Variants in OSBPL9 observed in about 807,000 individuals in gnomAD.
The protein encoded by OSBPL9 is oxysterol binding protein like 9, also known as oxysterol-binding protein-related protein 9.
In OSBPL9, 40 loss-of-function variants were observed where a neutral mutation model predicts 106.6. The observed-to-expected ratio is 0.38, with a 90% CI of 0.29 to 0.49. The LOEUF is 0.49. Ranked by LOEUF, OSBPL9 falls within the 20% of genes least tolerant of loss-of-function variation. The pLI, the probability that OSBPL9 is intolerant of heterozygous loss-of-function variation, is 0.97. For synonymous variants in OSBPL9, 269 were observed against 295.4 expected (o/e 0.91, Z 0.92); for missense variants, 609 against 887.2 (o/e 0.69, Z 3.98).
chr1:51,713,543 T>A (rs1027551641), intron 3 of OSBPL9, among the ~76,000 whole-genome samples: 2 of 152,178 alleles, frequency 1.3e-5, no homozygotes, highest in African/African-American at 4.8e-5. Context: ...CGCCACACAC[T>A]GACAAGCTTT....
At chr1:51,525,414 A>G in the OSBPL9 span, among the ~76,000 whole-genome samples, 1 of 152,212 alleles carries the variant, frequency 6.6e-6, no homozygotes, top group Admixed American at 6.5e-5. Context: ...ACACAAAATA[A>G]CAAATAGACA....
intron 4 of OSBPL9, among the ~76,000 whole-genome samples, chr1:51,740,808 G>A (rs150598228): frequency 1.9e-3 from 290 of 151,932 alleles, no homozygotes; most frequent in Middle Eastern, 0.014. Context: ...CTTAATTTCC[G>A]GATTCTGGAC....
the OSBPL9 span, among the ~76,000 whole-genome samples, chr1:51,564,465 G>T: frequency 1.3e-5 from 2 of 151,992 alleles, no homozygotes; most frequent in Non-Finnish European, 2.9e-5. Context: ...GTCCTTCCTT[G>T]TACCCCAGGA....
the OSBPL9 span, among the ~76,000 whole-genome samples, chr1:51,564,070 A>AAAAAAAAAAAAG: frequency 6.7e-6 from 1 of 148,342 alleles, no homozygotes; most frequent in African/African-American, 2.5e-5. Flanking sequence ...AAAAAAAAAA[A>AAAAAAAAAAAAG]GAAAGCAAGA....
intron 1 of OSBPL9, among the ~76,000 whole-genome samples, chr1:51,636,385 C>T (rs1407554441): frequency 6.6e-6 from 1 of 150,410 alleles, no homozygotes; most frequent in Non-Finnish European, 1.5e-5. Context: ...ATTACCCAGG[C>T]TGGAGTGCAA....
chr1:51,785,656 A>G (rs1190259052), intron 20 of OSBPL9, 152 bp from the exon 21 acceptor site: 1 of 606,742 alleles, frequency 1.6e-6, no homozygotes, highest in East Asian at 3.0e-5. Flanking sequence ...TCTTATAGTT[A>G]GCCCTGGGGA....
chr1:51,520,840 A>G, the OSBPL9 span, among the ~76,000 whole-genome samples: 2 of 152,264 alleles, frequency 1.3e-5, no homozygotes, highest in Non-Finnish European at 2.9e-5. Context: ...AGCAAGCCAT[A>G]TAGGTCTGGT....
Position 51,713,922 on chromosome 1 carries a change from AGTTTT to A in OSBPL9, c.242-80_242-76del. 3 of 1,111,934 alleles carry A rather than the reference AGTTTT, an allele frequency of 2.7e-6. No individual in the cohort carries two copies. The South Asian group carries it at 4.8e-5, about 18-fold the overall frequency. The allele number at this position is 1,111,934 out of a possible 1,614,324, so 68.9% of individuals were successfully genotyped here. On this transcript the variant is annotated intron_variant, in intron 3 of 23. Transcript: ENST00000428468. ...AAAAACCTTTTCTGTTAGCCATCAT[AGTTTT>A]AAAATGATATTTTCAAATATGGAGA... is the stretch of plus-strand genomic sequence containing the variant.
chr1:51,700,641 G>A (rs1375897069), intron 3 of OSBPL9, among the ~76,000 whole-genome samples: 1 of 152,142 alleles, frequency 6.6e-6, no homozygotes, highest in African/African-American at 2.4e-5. Context: ...CCTTGTCTCA[G>A]TGGATTGTAT....
At chr1:51,573,508 CAAAAAAAAAAAAA>C (rs961323006), upstream of OSBPL9, among the ~76,000 whole-genome samples, 3 of 25,060 alleles carry the variant, frequency 1.2e-4, no homozygotes, top group East Asian at 1.2e-3. Context: ...AACTCCATCT[CAAAAAAAAAAAAA>C]AAAAAAAAAA....
At chr1:51,661,524 G>A (rs1647151201) in intron 2 of OSBPL9, among the ~76,000 whole-genome samples, 1 of 152,180 alleles carries the variant, frequency 6.6e-6, no homozygotes, top group South Asian at 2.1e-4. Flanking sequence ...TGGAGCAACA[G>A]GCACCTTGGT....
At chr1:51,685,092 CT>C (rs1305993170) in intron 3 of OSBPL9, among the ~76,000 whole-genome samples, 1 of 152,080 alleles carries the variant, frequency 6.6e-6, no homozygotes, top group East Asian at 1.9e-4. Flanking sequence ...AATTTATTCC[CT>C]TCTTTTCATA....
chr1:51,769,997 G>A (rs752214494), intron 12 of OSBPL9, among the ~76,000 whole-genome samples: 1 of 152,068 alleles, frequency 6.6e-6, no homozygotes, highest in South Asian at 2.1e-4. Flanking sequence ...GAGACAGAGG[G>A]TCTCACTCTA....
the OSBPL9 span, chr1:51,565,844 G>C: frequency 1.3e-5 from 2 of 152,190 alleles, no homozygotes; most frequent in Admixed American, 6.5e-5. Context: ...TTGCCTCCCT[G>C]GCTCTCAGCA....
At chr1:51,760,292 C>G (rs1671211273) in intron 9 of OSBPL9, 1 of 201,614 alleles carries the variant, frequency 5.0e-6, no homozygotes. Flanking sequence ...CCTAGTGGTG[C>G]AGGTACATCA....
intron 4 of OSBPL9, chr1:51,745,258 G>T (rs1667742651): frequency 3.1e-6 from 1 of 324,960 alleles, no homozygotes; most frequent in Non-Finnish European, 5.6e-6. Context: ...ACAGGGTTTG[G>T]GGGAGATAAG....
chr1:51,760,890 A>T (rs1671347024), intron 10 of OSBPL9, 110 bp downstream of exon 10: 1 of 1,203,322 alleles, frequency 8.3e-7, no homozygotes, highest in Admixed American at 2.6e-5. Context: ...CTTGTTTTTA[A>T]TAAAAGCACT....
chr1:51,603,132 G>A (rs1645332150), intron 2 of OSBPL9, among the ~76,000 whole-genome samples: 1 of 152,166 alleles, frequency 6.6e-6, no homozygotes, highest in Non-Finnish European at 1.5e-5. Context: ...TCCAGCCTGG[G>A]CAACAGAGTG....
intron 2 of OSBPL9, among the ~76,000 whole-genome samples, chr1:51,660,144 A>G (rs2148728253): frequency 6.6e-6 from 1 of 152,256 alleles, no homozygotes; most frequent in African/African-American, 2.4e-5. Context: ...AAAAAAGAAG[A>G]TTACTCTTTA....
Sources: allele counts gnomAD v4.1 joint callset (sites outside exome capture counted in the v4.1 genomes callset), GRCh38; gene constraint gnomAD v4.1.1; transcripts MANE v1.5; gene names NCBI Gene and HGNC (gene_info 2026-07-23, HGNC 2026-07-21).